SLC51A: variants seen among roughly 807,000 people sequenced by gnomAD.
SLC51A encodes solute carrier family 51 member A.
SLC51A carries 22 observed loss-of-function variants against 34.8 expected under a neutral mutation model. The ratio of observed to expected loss-of-function variants is 0.63; its 90% CI spans 0.45 to 0.90. SLC51A has a LOEUF of 0.90. Among genes scored for constraint, SLC51A ranks in the 40% least tolerant of loss-of-function variants. The pLI is 0.00. For missense variants in SLC51A, 371 were observed against 414.8 expected, an observed-to-expected ratio of 0.89 and a Z score of 0.92; for synonymous variants, 181 against 176.3, an observed-to-expected ratio of 1.03 and a Z score of -0.21.
chr3:196,227,573 A>G lies in SLC51A; in HGVS notation c.289-91A>G, dbSNP rs552755990. The G allele has an allele frequency of 3.8e-6, 4 of 1,056,798 alleles. No homozygotes were observed. In the East Asian group the frequency reaches 7.1e-5, roughly 19 times the overall value. The allele number at this position is 1,056,798 out of a possible 1,614,324, so 65.5% of individuals were successfully genotyped here. On this transcript the variant is annotated intron_variant, in intron 3 of 8. Transcript: ENST00000296327. Reference sequence around the variant, plus strand: ...TTAAGGAACGCTGCCTCGAATGTGTAGGTTTTGCCTCCTGTGTCCTTGCCG... The same window carrying G: ...TTAAGGAACGCTGCCTCGAATGTGTGGGTTTTGCCTCCTGTGTCCTTGCCG...
intron 6 of SLC51A, 81 bp downstream of exon 6, chr3:196,229,001 C>A (rs375874816): frequency 1.2e-5 from 14 of 1,186,354 alleles, no homozygotes; most frequent in Non-Finnish European, 1.5e-5. Context: ...AGAGCCAACA[C>A]CCCTTGACAG....
chr3:196,231,983 C>A (rs1287886538), intron 7 of SLC51A, among the ~76,000 whole-genome samples: 2 of 152,196 alleles, frequency 1.3e-5, no homozygotes, highest in Non-Finnish European at 2.9e-5. Context: ...ATTGCCCTCT[C>A]CCTGCAGTCT....
Position 196,216,719 on chromosome 3 carries a change from C to A in SLC51A, c.7C>A (p.Pro3Thr). The change falls in exon 1 of 9, where the codon CCG becomes ACG. Residue 3 changes from proline to threonine, a missense_variant. Physicochemically the swap from Pro to Thr is conservative, Grantham distance 38. Transcript: ENST00000296327. The surrounding 1 kb of genome is among the most constrained non-coding windows in gnomAD (Gnocchi z 4.5). The part of the protein sequence containing the change: ME[P>T]GRTQIKLDPR... ...TGCTGGAGAGAACGCGGCGATGGAG[C>A]CGGGCAGGACCCAGATAAAGCTTGA... The A allele has an allele frequency of 6.4e-7, 1 of 1,574,370 alleles. No homozygotes were observed.
chr3:196,233,080 C>T lies in SLC51A; in HGVS notation c.904C>T (p.Leu302Phe), dbSNP rs530565206. ...TRSQVMNCHL[L>F]ILETFLMTVL... ...CACTGCAGTGATGAATTGCCACCTC[C>T]TCATACTGGAGACTTTTCTAATGAC... Residue 302 changes from leucine (L) to phenylalanine (F), a missense_variant, in exon 9 of 9, where the codon CTC becomes TTC. Leu to Phe is a conservative substitution (Grantham distance 22). Transcript: ENST00000296327. The T allele has an allele frequency of 4.2e-4, 674 of 1,614,170 alleles. 17 individuals are homozygous for T. The South Asian group carries it at 6.5e-3, about 16-fold the overall frequency.
intron 2 of SLC51A, 47 bp downstream of exon 2, chr3:196,217,983 G>A: frequency 6.4e-7 from 1 of 1,554,784 alleles, no homozygotes; most frequent in Non-Finnish European, 8.8e-7. Context: ...GGGAAACCAG[G>A]ATAGCTGAGT....
In SLC51A at chr3:196,216,870, G is replaced by A. The variant is rs2108750963; in HGVS notation, c.38+120G>A. On this transcript the variant is annotated intron_variant, in intron 1 of 8. Transcript: ENST00000296327. This position sits in a 1 kb window ranked among gnomAD's most constrained non-coding sequence, Gnocchi z 4.5. The stretch of plus-strand genomic sequence containing the variant: ...CCGCACTCAGAATGAGACAGGACTG[G>A]AAATGCTCTAGCTGTTCCTAGGTCC... 9.1e-7 allele frequency: 1 copy of A among 1,096,498 alleles called. No homozygotes were observed. The highest frequency in any genetic ancestry group is 1.3e-6 in the Non-Finnish European group (1 of 768,466). 67.9% of individuals were successfully genotyped at this position (1,096,498 alleles called of 1,614,324 possible). A position where few individuals can be genotyped will look rare whatever the true frequency, so the allele number is the denominator to read the frequency against.
Position 196,228,208 on chromosome 3 carries a change from G to C in SLC51A, c.456G>C (p.Pro152=). 1.2e-6 allele frequency: 2 copies of C among 1,614,000 alleles called. No individual in the cohort carries two copies. The highest frequency in any genetic ancestry group is 1.1e-5 in the South Asian group (1 of 91,086). The change falls in exon 5 of 9, where the codon CCG becomes CCC. Residue 152 remains proline, a synonymous_variant. Coordinates refer to ENST00000296327, the MANE Select transcript of SLC51A (RefSeq NM_152672.6). The surrounding 1 kb of genome is among the most constrained non-coding windows in gnomAD (Gnocchi z 4.9). The part of the protein sequence containing the change: ...EAVLRTLRDT[P]MMVHTGPCCC... The stretch of plus-strand genomic sequence containing the variant: ...TGCTGAGGACGCTGAGGGACACCCC[G>C]ATGATGGTCCACACAGGCCCCTGCT...
chr3:196,232,158 A>G (rs1724041116), intron 7 of SLC51A, among the ~76,000 whole-genome samples: 1 of 152,252 alleles, frequency 6.6e-6, no homozygotes, highest in African/African-American at 2.4e-5. Flanking sequence ...AGGGAATTAA[A>G]AATGAACCCT....
chr3:196,232,552 C>G (rs776403765), intron 8 of SLC51A, 28 bp downstream of exon 8: 11 of 1,558,794 alleles, frequency 7.1e-6, no homozygotes, highest in Non-Finnish European at 9.7e-6. Context: ...CCTGTCCCAT[C>G]GTGGGATGGA....
intron 4 of SLC51A, 129 bp from the exon 5 acceptor site, chr3:196,227,986 C>T: frequency 2.4e-6 from 3 of 1,275,718 alleles, no homozygotes; most frequent in Non-Finnish European, 3.3e-6. Context: ...GTCTCCTCTC[C>T]CTCGCCCCTC....
At chr3:196,232,967 G>C (rs933299988) in intron 8 of SLC51A, 96 bp from the exon 9 acceptor site, 3 of 1,251,304 alleles carry the variant, frequency 2.4e-6, no homozygotes, top group Admixed American at 2.0e-5. Context: ...GGATAAACTG[G>C]AGAAAGTGTT....
chr3:196,216,982 C>A lies in SLC51A; in HGVS notation c.38+232C>A, dbSNP rs528152447. On this transcript the variant is annotated intron_variant, in intron 1 of 8. Transcript: ENST00000296327. This position sits in a 1 kb window ranked among gnomAD's most constrained non-coding sequence, Gnocchi z 4.5. ...GCGTGGGGAGAGAAAGGTCGCAGAG[C>A]GGGGGCTGTGGAAGGCATTCGCAGA... Among the ~76,000 whole-genome samples the A allele has an allele frequency of 6.6e-6, 1 of 152,196 alleles. No individual in the cohort carries two copies. The highest frequency in any genetic ancestry group is 1.5e-5 in the Non-Finnish European group (1 of 68,028).
chr3:196,228,486 A>C lies in SLC51A; in HGVS notation c.521+213A>C. The C allele has an allele frequency of 1.6e-6, 1 of 643,602 alleles. No homozygotes were observed. Among genetic ancestry groups the C allele is most frequent in the South Asian group, 2.0e-5 (1 of 49,440 alleles). 39.9% of individuals were successfully genotyped at this position (643,602 alleles called of 1,614,324 possible). On this transcript the variant is annotated intron_variant, in intron 5 of 8. Transcript: ENST00000296327. This position sits in a 1 kb window ranked among gnomAD's most constrained non-coding sequence, Gnocchi z 4.9. ...AATTGTCATCACTGAACTTCACTGCACCCTGCAAGCCTTAGCCACACAGAG... is the reference window on the plus strand; with the variant it reads ...AATTGTCATCACTGAACTTCACTGCCCCCTGCAAGCCTTAGCCACACAGAG...
intron 4 of SLC51A, 117 bp from the exon 5 acceptor site, chr3:196,227,998 T>G (rs1723939058): frequency 7.2e-7 from 1 of 1,385,618 alleles, no homozygotes; most frequent in Non-Finnish European, 9.9e-7. Context: ...TCGCCCCTCT[T>G]GGGTCACACA....
At chr3:196,232,850 A>G in intron 8 of SLC51A, 1 of 602,596 alleles carries the variant, frequency 1.7e-6, no homozygotes, top group Non-Finnish European at 2.9e-6. Flanking sequence ...AATGGACTGT[A>G]TGCCAGCCTC....
Position 196,228,332 on chromosome 3 carries a change from T to TC in SLC51A, c.521+63dup, listed in dbSNP as rs913344887. The TC allele has an allele frequency of 2.6e-6, 4 of 1,558,658 alleles. No homozygotes were observed. In the African/African-American group the frequency reaches 4.1e-5, roughly 16 times the overall value. On this transcript the variant is annotated intron_variant, in intron 5 of 8. Coordinates refer to ENST00000296327, the MANE Select transcript of SLC51A (RefSeq NM_152672.6). This position sits in a 1 kb window ranked among gnomAD's most constrained non-coding sequence, Gnocchi z 4.9. ...CGGGGAGCCTCTCCTGGACCCCTGG[T>TC]CCCCTTCAAGGCTCTGGGAATTAGG... is the stretch of plus-strand genomic sequence containing the variant.
rs566190462 is a variant in SLC51A at position 196,219,984 on chromosome 3, G to A, written c.133+2048G>A. The stretch of plus-strand genomic sequence containing the variant: ...GTCTGCTAGTCCAGCAAGCCTCGCC[G>A]CAGGCAGAGTGGGGAGGATTTGGCC... On this transcript the variant is annotated intron_variant, in intron 2 of 8. Transcript: ENST00000296327. Among the ~76,000 whole-genome samples the A allele has an allele frequency of 5.3e-5, 8 of 152,356 alleles. No individual in the cohort carries two copies. The South Asian group carries it at 8.3e-4, about 16-fold the overall frequency.
At chr3:196,233,013 C>T (rs201414834) in intron 8 of SLC51A, 50 bp from the exon 9 acceptor site, 890 of 1,583,276 alleles carry the variant, frequency 5.6e-4, no homozygotes, top group South Asian at 1.4e-3. Context: ...AGTAAAATAC[C>T]ACCTCTGTAA....
chr3:196,231,508 C>CGTACATGCCTCCCA (rs1267912372), intron 7 of SLC51A, among the ~76,000 whole-genome samples: 2 of 152,152 alleles, frequency 1.3e-5, no homozygotes, highest in Admixed American at 6.5e-5. Flanking sequence ...ATTTGATCTA[C>CGTACATGCCTCCCA]GTACATGCCT....
Sources: allele counts gnomAD v4.1 joint callset (sites outside exome capture counted in the v4.1 genomes callset), GRCh38; gene constraint gnomAD v4.1.1; non-coding constraint Gnocchi (gnomAD v3.1); transcripts MANE v1.5; gene names NCBI Gene and HGNC (gene_info 2026-07-23, HGNC 2026-07-21).